The following PYHIN1 variants were observed in gnomAD, a reference collection of about 807,000 sequenced individuals.
PYHIN1 encodes pyrin and HIN domain-containing protein 1.
PYHIN1 carries 32 observed loss-of-function variants against 43.7 expected under a neutral mutation model. The observed-to-expected ratio is 0.73, with a 90% CI of 0.55 to 0.98. The LOEUF (loss-of-function observed/expected upper bound fraction) is 0.98, where lower values mean the gene tolerates loss of function less well. Ranked by LOEUF, PYHIN1 falls within the 50% of genes least tolerant of loss-of-function variation. The pLI is 0.00. For missense variants in PYHIN1, 588 were observed against 589.5 expected (o/e 1.00, Z 0.03); for synonymous variants, 205 against 203.1 (o/e 1.01, Z -0.08).
chr1:158,932,570 C>CAA (rs1648225533), intron 1 of PYHIN1, among the ~76,000 whole-genome samples: 1 of 152,100 alleles, frequency 6.6e-6, no homozygotes, highest in Non-Finnish European at 1.5e-5. Context: ...CTCAATTTTA[C>CAA]AAAACATGTT....
intron 7 of PYHIN1, among the ~76,000 whole-genome samples, chr1:158,951,870 G>T (rs1649550505): frequency 6.6e-6 from 1 of 152,204 alleles, no homozygotes; most frequent in Non-Finnish European, 1.5e-5. Flanking sequence ...ATTGGATTTG[G>T]AGAGAGTCAC....
chr1:158,954,733 T>C (rs1416438426), intron 7 of PYHIN1, among the ~76,000 whole-genome samples: 2 of 149,036 alleles, frequency 1.3e-5, no homozygotes, highest in Non-Finnish European at 3.0e-5. Flanking sequence ...AATGACAGGA[T>C]CAAATTCATA....
chr1:158,969,591 T>A (rs1650822422), intron 7 of PYHIN1, among the ~76,000 whole-genome samples: 1 of 152,008 alleles, frequency 6.6e-6, no homozygotes, highest in Non-Finnish European at 1.5e-5. Context: ...CTGTACACTT[T>A]CTAAAATTAC....
chr1:158,935,153 ATGT>A (rs1648444852), intron 1 of PYHIN1, among the ~76,000 whole-genome samples: 2 of 152,194 alleles, frequency 1.3e-5, no homozygotes, highest in Non-Finnish European at 2.9e-5. Context: ...TGAGTCTAAA[ATGT>A]TGTAGGAGAG....
intron 4 of PYHIN1, chr1:158,939,686 A>G: frequency 1.5e-6 from 1 of 652,642 alleles, no homozygotes; most frequent in Non-Finnish European, 2.7e-6. Context: ...CCCAATATTG[A>G]GATCTTATCC....
chr1:158,972,910 G>A lies in PYHIN1; in HGVS notation c.1360-737G>A, dbSNP rs114349775. 9.0e-3 allele frequency among the ~76,000 whole-genome samples: 1,372 copies of A among 152,152 alleles called. 26 individuals are homozygous for A. The highest frequency in any genetic ancestry group is 0.031 in the African/African-American group (1,295 of 41,494). ...CCTGTAAGTAATTGAGATTATATAT[G>A]CTACCTGCTCAGGTAAGTAAAAACA... is the stretch of plus-strand genomic sequence containing the variant. On this transcript the variant is annotated intron_variant, in intron 7 of 8. Coordinates refer to ENST00000368140, the MANE Select transcript of PYHIN1 (RefSeq NM_152501.5).
At chr1:158,937,449 T>C (rs17656483) in intron 2 of PYHIN1, among the ~76,000 whole-genome samples, 24,171 of 152,138 alleles carry the variant, frequency 0.16, 2,100 homozygotes, top group Middle Eastern at 0.23. Flanking sequence ...ATTCGAAAGA[T>C]TACATAATGA....
chr1:158,973,976 ATTTC>A (rs1444498465), intron 8 of PYHIN1, among the ~76,000 whole-genome samples: 1 of 152,012 alleles, frequency 6.6e-6, no homozygotes, highest in Non-Finnish European at 1.5e-5. Flanking sequence ...TCATGAAATC[ATTTC>A]TGTCTTCAGG....
chr1:158,939,359 T>C (rs1267944206), intron 4 of PYHIN1, 112 bp downstream of exon 4: 2 of 1,605,404 alleles, frequency 1.2e-6, no homozygotes, highest in South Asian at 2.2e-5. Flanking sequence ...AAATCAAATG[T>C]ATAGACTGAG....
At chr1:158,947,773 G>C (rs1649302068) in intron 7 of PYHIN1, among the ~76,000 whole-genome samples, 1 of 152,212 alleles carries the variant, frequency 6.6e-6, no homozygotes, top group Non-Finnish European at 1.5e-5. Flanking sequence ...CACACCTGTA[G>C]GTAATTAATC....
chr1:158,987,617 G>A, the PYHIN1 span, among the ~76,000 whole-genome samples: 4 of 151,964 alleles, frequency 2.6e-5, no homozygotes, highest in Non-Finnish European at 4.4e-5. Context: ...CAAATCCAAG[G>A]TCATGTGGAT....
At chr1:158,983,560 T>C in the PYHIN1 span, among the ~76,000 whole-genome samples, 1 of 152,174 alleles carries the variant, frequency 6.6e-6, no homozygotes, top group South Asian at 2.1e-4. Context: ...TTTTGAGGAC[T>C]TTTGCATCAA....
At position 158,964,221 on chromosome 1, in the gene PYHIN1, G is replaced by A. The variant is rs77960855; in HGVS notation, c.1360-9426G>A. Among the ~76,000 whole-genome samples, 459 of 152,294 alleles carry A rather than the reference G, an allele frequency of 3.0e-3. 1 individual carries two copies. Among genetic ancestry groups the A allele is most frequent in the Middle Eastern group, 6.8e-3 (2 of 294 alleles). ...ATGAAAAATCTTCTGAGAAAAATGG[G>A]ATTATGTAAAGAGACAAAGTCTAGA... is the stretch of plus-strand genomic sequence containing the variant. On this transcript the variant is annotated intron_variant, in intron 7 of 8. Coordinates refer to ENST00000368140, the MANE Select transcript of PYHIN1 (RefSeq NM_152501.5).
chr1:158,938,999 A>C, intron 3 of PYHIN1, 81 bp from the exon 4 acceptor site: 8 of 1,064,226 alleles, frequency 7.5e-6, no homozygotes, highest in Non-Finnish European at 9.1e-6. Context: ...ATATACAATA[A>C]ATATATTACC....
chr1:158,964,870 C>A (rs80001588), intron 7 of PYHIN1, among the ~76,000 whole-genome samples: 16,872 of 152,138 alleles, frequency 0.11, 1,086 homozygotes, highest in Non-Finnish European at 0.12. Context: ...ATGACAGGAT[C>A]AAATCTGCAG....
At chr1:158,976,578 T>A (rs1267004136) in intron 8 of PYHIN1, 123 bp from the exon 9 acceptor site, 1 of 641,626 alleles carries the variant, frequency 1.6e-6, no homozygotes, top group Non-Finnish European at 2.7e-6. Context: ...GAGAAAAGAG[T>A]GCTTCAGATG....
At position 158,933,985 on chromosome 1, in the gene PYHIN1, T is replaced by C. The variant is rs758915840; in HGVS notation, c.-21+2209T>C. 1.3e-5 allele frequency among the ~76,000 whole-genome samples: 2 copies of C among 152,124 alleles called. No individual in the cohort carries two copies. The highest frequency in any genetic ancestry group is 2.9e-5 in the Non-Finnish European group (2 of 68,006). The stretch of plus-strand genomic sequence containing the variant: ...TGGAAAAACTACTGAGGCCTTCAGG[T>C]TCAGAGAATAGTTTTTGAGGATCTT... On this transcript the variant is annotated intron_variant, in intron 1 of 8. Transcript: ENST00000368140. This position sits in a 1 kb window ranked among gnomAD's most constrained non-coding sequence, Gnocchi z 6.3.
At chr1:158,984,674 A>G in the PYHIN1 span, among the ~76,000 whole-genome samples, 2 of 152,124 alleles carry the variant, frequency 1.3e-5, no homozygotes, top group Non-Finnish European at 2.9e-5. Context: ...CAATTTAGTC[A>G]AGTGTGAAAT....
At position 158,945,311 on chromosome 1, in the gene PYHIN1, A is replaced by G. The variant is rs1571735413; in HGVS notation, c.1359+269A>G. On this transcript the variant is annotated intron_variant, in intron 7 of 8. Coordinates refer to ENST00000368140, the MANE Select transcript of PYHIN1 (RefSeq NM_152501.5). ...CACCTATGGGAGGGGTAATGGCCAG[A>G]GAAGTAGAGATGAAGACAAAGAGTG... 1.4e-5 allele frequency: 4 copies of G among 276,644 alleles called. No individual in the cohort carries two copies. In the East Asian group the frequency reaches 2.5e-4, roughly 17 times the overall value. 17.1% of individuals were successfully genotyped at this position (276,644 alleles called of 1,614,324 possible).
Sources: allele counts gnomAD v4.1 joint callset (sites outside exome capture counted in the v4.1 genomes callset), GRCh38; gene constraint gnomAD v4.1.1; non-coding constraint Gnocchi (gnomAD v3.1); transcripts MANE v1.5; gene names NCBI Gene and HGNC (gene_info 2026-07-23, HGNC 2026-07-21).